Variants in NLN observed in about 807,000 individuals in gnomAD.
NLN encodes the protein neurolysin.
In NLN, 64 loss-of-function variants were observed where a neutral mutation model predicts 79.9. The ratio of observed to expected loss-of-function variants is 0.80; its 90% CI spans 0.65 to 0.99. NLN has a LOEUF of 0.99. Among genes scored for constraint, NLN ranks in the 50% least tolerant of loss-of-function variants. The pLI is 0.00. For missense variants in NLN, 835 were observed against 858.7 expected, an observed-to-expected ratio of 0.97 and a Z score of 0.34; for synonymous variants, 267 against 296.6, an observed-to-expected ratio of 0.90 and a Z score of 1.02.
chr5:65,723,552 T>A (rs2112937), intron 1 of NLN, among the ~76,000 whole-genome samples: 8 of 151,788 alleles, frequency 5.3e-5, no homozygotes, highest in Non-Finnish European at 1.2e-4. Context: ...CTGTGGCTCA[T>A]GCCTGTAATC....
chr5:65,815,767 C>T (rs540936944), intron 12 of NLN, among the ~76,000 whole-genome samples: 146 of 151,814 alleles, frequency 9.6e-4, no homozygotes, highest in African/African-American at 3.1e-3. Context: ...TTGGTGGCGG[C>T]GGGGGATGTT....
At chr5:65,777,230 T>C (rs1411494587) in intron 3 of NLN, among the ~76,000 whole-genome samples, 197 bp from the exon 4 acceptor site, 1 of 152,236 alleles carries the variant, frequency 6.6e-6, no homozygotes, top group East Asian at 1.9e-4. Context: ...TTTTATTTAT[T>C]TAATGTTTCT....
At chr5:65,750,583 G>A (rs1314761974) in intron 1 of NLN, among the ~76,000 whole-genome samples, 3 of 152,186 alleles carry the variant, frequency 2.0e-5, no homozygotes, top group Non-Finnish European at 4.4e-5. Flanking sequence ...GGGTGTGCTG[G>A]CACATGCCTG....
At chr5:65,762,453 G>C (rs150655871) in intron 2 of NLN, among the ~76,000 whole-genome samples, 1 of 152,288 alleles carries the variant, frequency 6.6e-6, no homozygotes, top group Admixed American at 6.5e-5. Flanking sequence ...AGGAGGCTGA[G>C]GTGGGAGGAT....
At chr5:65,751,784 C>A (rs781584308) in intron 1 of NLN, among the ~76,000 whole-genome samples, 18 of 152,132 alleles carry the variant, frequency 1.2e-4, no homozygotes, top group Non-Finnish European at 1.9e-4. Flanking sequence ...AATTCTGTAA[C>A]CTGATGATTT....
intron 3 of NLN, among the ~76,000 whole-genome samples, chr5:65,764,012 G>C (rs930433499): frequency 3.9e-5 from 6 of 152,044 alleles, no homozygotes; most frequent in African/African-American, 1.4e-4. Context: ...TAGCTAAATT[G>C]TTCTTCTTGC....
At chr5:65,723,814 C>CGAAAAAAAA (rs1758385258) in intron 1 of NLN, among the ~76,000 whole-genome samples, 1 of 55,316 alleles carries the variant, frequency 1.8e-5, no homozygotes, top group Non-Finnish European at 3.6e-5. Context: ...GACTCCGTCT[C>CGAAAAAAAA]AAAAAAAAAA....
intron 12 of NLN, among the ~76,000 whole-genome samples, chr5:65,818,531 T>C (rs1217730574): frequency 6.6e-6 from 1 of 152,186 alleles, no homozygotes; most frequent in East Asian, 1.9e-4. Flanking sequence ...CCTACTACTA[T>C]TCTTGTCTCC....
chr5:65,760,278 A>G (rs1759310945), intron 2 of NLN, among the ~76,000 whole-genome samples: 1 of 152,086 alleles, frequency 6.6e-6, no homozygotes, highest in African/African-American at 2.4e-5. Context: ...TCCTACTACC[A>G]ACTGCTTCAC....
chr5:65,789,628 T>C (rs1039866875), intron 8 of NLN, among the ~76,000 whole-genome samples: 4 of 152,056 alleles, frequency 2.6e-5, no homozygotes, highest in African/African-American at 9.7e-5. Context: ...AATACAAAAA[T>C]TTAACAGGCA....
At position 65,775,663 on chromosome 5, in the gene NLN, C is replaced by T. The variant is rs147190996; in HGVS notation, c.451-1764C>T. ...TAGATCAACCCAAGTTAATCACATC[C>T]GCAGGAACACTGTGATTGGAGCTGC... On this transcript the variant is annotated intron_variant, in intron 3 of 12. Coordinates refer to ENST00000380985, the MANE Select transcript of NLN (RefSeq NM_020726.5). Among the ~76,000 whole-genome samples the T allele has an allele frequency of 3.1e-3, 465 of 152,322 alleles. 6 individuals carry two copies. Among genetic ancestry groups the T allele is most frequent in the Non-Finnish European group, 5.2e-3 (354 of 68,036 alleles).
chr5:65,820,467 G>T (rs563979033), intron 12 of NLN, among the ~76,000 whole-genome samples: 2 of 152,102 alleles, frequency 1.3e-5, no homozygotes, highest in Non-Finnish European at 2.9e-5. Flanking sequence ...CGTTCTTCCT[G>T]TACTGCTCTA....
chr5:65,722,339 CA>C lies in NLN; in HGVS notation c.-34del. On this transcript the variant is annotated 5_prime_UTR_variant, in exon 1 of 13. Transcript: ENST00000380985. Reference sequence around the variant, plus strand: ...GCCTCGCCGCCCCACGCCGAAGGACCACGCGCCCGCCGCCGCCAGCCTCTCA... The same window carrying C: ...GCCTCGCCGCCCCACGCCGAAGGACCCGCGCCCGCCGCCGCCAGCCTCTCA... The C allele has an allele frequency of 6.5e-7, 1 of 1,531,120 alleles. No individual in the cohort carries two copies. Among genetic ancestry groups the C allele is most frequent in the Non-Finnish European group, 8.8e-7 (1 of 1,141,694 alleles). The allele number at this position is 1,531,120 out of a possible 1,614,324, so 94.8% of individuals were successfully genotyped here.
At chr5:65,748,155 C>G (rs548706907) in intron 1 of NLN, among the ~76,000 whole-genome samples, 6 of 152,088 alleles carry the variant, frequency 3.9e-5, no homozygotes, top group Admixed American at 2.6e-4. Flanking sequence ...GAGCCAAGAT[C>G]GTGCCACTGC....
In NLN at chr5:65,781,264, C is replaced by T; in HGVS notation, c.665C>T (p.Ala222Val). ...ATGAGAAAATGATTTTTTGCAGGTGCTCTTCCTGATGATTTCATTGACAGT... is the reference window on the plus strand; with the variant it reads ...ATGAGAAAATGATTTTTTGCAGGTGTTCTTCCTGATGATTTCATTGACAGT... The part of the protein sequence containing the change: ...FLVFSKAELG[A>V]LPDDFIDSLE... Residue 222 changes from alanine (A) to valine (V), a missense_variant, in exon 6 of 13, where the codon GCT becomes GTT. Physicochemically the swap from Ala to Val is moderately conservative, Grantham distance 64 (BLOSUM62 0). Transcript: ENST00000380985. 1 of 1,602,938 alleles carries T rather than the reference C, an allele frequency of 6.2e-7. No individual in the cohort carries two copies. Among genetic ancestry groups the T allele is most frequent in the Admixed American group, 1.7e-5 (1 of 57,692 alleles).
chr5:65,815,670 C>T (rs1237819604), intron 12 of NLN, among the ~76,000 whole-genome samples: 4 of 152,134 alleles, frequency 2.6e-5, no homozygotes, highest in African/African-American at 9.7e-5. Flanking sequence ...CTTGGCCCCT[C>T]ACCCTCACAC....
intron 2 of NLN, among the ~76,000 whole-genome samples, chr5:65,760,744 C>A (rs1031164032): frequency 2.6e-5 from 4 of 152,090 alleles, no homozygotes; most frequent in African/African-American, 7.2e-5. Flanking sequence ...TGTATGTTGC[C>A]CACTCCTTGT....
chr5:65,738,165 C>T (rs1353642729), intron 1 of NLN, among the ~76,000 whole-genome samples: 1 of 149,962 alleles, frequency 6.7e-6, no homozygotes, highest in Non-Finnish European at 1.5e-5. Context: ...GGCAATACAA[C>T]CTAGTAAGAG....
chr5:65,786,218 G>A (rs1165636142), intron 7 of NLN, among the ~76,000 whole-genome samples: 2 of 152,076 alleles, frequency 1.3e-5, no homozygotes, highest in African/African-American at 4.8e-5. Flanking sequence ...CTTCACTAGG[G>A]ATTTAGTAGT....
Sources: gnomAD v4.1 joint callset for allele counts (sites outside exome capture counted in the v4.1 genomes callset) on GRCh38, gnomAD v4.1.1 for gene constraint, MANE v1.5 for transcripts, NCBI Gene and HGNC (gene_info 2026-07-23, HGNC 2026-07-21) for gene names.